Variants in HEATR1 observed in about 807,000 individuals in gnomAD.
HEATR1 encodes HEAT repeat containing 1, also known as HEAT repeat-containing protein 1.
A neutral mutation model predicts 248.2 loss-of-function variants in HEATR1; 77 were observed. The observed-to-expected ratio is 0.31, with a 90% CI of 0.26 to 0.37. HEATR1 has a LOEUF of 0.37. Ranked by LOEUF, HEATR1 falls within the 10% of genes least tolerant of loss-of-function variation. The pLI is 1.00. For synonymous variants in HEATR1, 897 were observed against 923.1 expected, an observed-to-expected ratio of 0.97 and a Z score of 0.51; for missense variants, 2,420 against 2,504.9, an observed-to-expected ratio of 0.97 and a Z score of 0.72.
intron 17 of HEATR1, among the ~76,000 whole-genome samples, chr1:236,583,957 A>G: frequency 6.6e-6 from 1 of 152,196 alleles, no homozygotes; most frequent in South Asian, 2.1e-4. Flanking sequence ...GTGTTTAGAA[A>G]TTATACTGTA....
rs201920300 is a variant in HEATR1 at position 236,587,325 on chromosome 1, AAAG to A, written c.1715+74_1715+76del. On this transcript the variant is annotated intron_variant, in intron 14 of 44. Coordinates refer to ENST00000366582, the MANE Select transcript of HEATR1 (RefSeq NM_018072.6). ...CATGTAATCAAAGCCTTAAAAAAAA[AAAG>A]AAGAAGAAATAGAAAGAACTTGATA... 2.2e-3 allele frequency: 1,449 copies of A among 660,206 alleles called. 17 individuals carry two copies. The highest frequency in any genetic ancestry group is 0.021 in the African/African-American group (1,109 of 53,562). The allele number at this position is 660,206 out of a possible 1,614,324, so 40.9% of individuals were successfully genotyped here.
At chr1:236,555,763 G>A in intron 39 of HEATR1, 42 bp downstream of exon 39, 1 of 1,612,902 alleles carries the variant, frequency 6.2e-7, no homozygotes, top group Non-Finnish European at 8.5e-7. Context: ...TTCAATAGGT[G>A]GATAACAGCT....
At chr1:236,586,102 C>T in intron 15 of HEATR1, 139 bp downstream of exon 15, 3 of 1,235,800 alleles carry the variant, frequency 2.4e-6, no homozygotes, top group Non-Finnish European at 3.4e-6. Flanking sequence ...TTCCTTTTCA[C>T]TGTATACTTT....
chr1:236,555,501 T>C (rs746274370), intron 40 of HEATR1, 37 bp from the exon 41 acceptor site: 4 of 1,613,918 alleles, frequency 2.5e-6, no homozygotes, highest in African/African-American at 2.7e-5. Context: ...CTTCGACATC[T>C]TGTCACTTAA....
At chr1:236,558,134 T>C (rs111414516) in intron 36 of HEATR1, 103 bp downstream of exon 36, 2 of 1,247,692 alleles carry the variant, frequency 1.6e-6, no homozygotes, top group African/African-American at 3.0e-5. Context: ...TCCAATTTTA[T>C]GCAACGTCTA....
At chr1:236,567,673 C>T (rs148168811) in intron 29 of HEATR1, among the ~76,000 whole-genome samples, 1 of 152,180 alleles carries the variant, frequency 6.6e-6, no homozygotes, top group Non-Finnish European at 1.5e-5. Context: ...CATGCCATTG[C>T]ACTCTAGCCT....
In HEATR1 at chr1:236,603,143, G is replaced by A. The variant is rs767084894; in HGVS notation, c.359+17C>T. On this transcript the variant is annotated intron_variant, in intron 3 of 44. Transcript: ENST00000366582. ...AAGTGATTAACCCATAGTTATTTCT[G>A]TAATTCTATTAGCTACCTGTGAATC... 6.9e-6 allele frequency: 11 copies of A among 1,582,880 alleles called. No homozygotes were observed. Among genetic ancestry groups the A allele is most frequent in the African/African-American group, 1.3e-5 (1 of 74,296 alleles).
In HEATR1 at chr1:236,574,883, C is replaced by T. The variant is rs921944671; in HGVS notation, c.3105G>A (p.Leu1035=). Residue 1035 remains leucine, a synonymous_variant, in exon 23 of 45, where the codon TTG becomes TTA. Coordinates refer to ENST00000366582, the MANE Select transcript of HEATR1 (RefSeq NM_018072.6). ...VNGEMVLSQL[L]PMAEQLLEKI... is the part of the protein sequence containing the mutation. ...TTTCTAGCAGTTGTTCAGCCATAGG[C>T]AATAGCTGAGAAAGCACCATCTAAA... 1 of 1,613,160 alleles carries T rather than the reference C, an allele frequency of 6.2e-7. No individual in the cohort carries two copies. The highest frequency in any genetic ancestry group is 1.3e-5 in the African/African-American group (1 of 74,832).
intron 22 of HEATR1, among the ~76,000 whole-genome samples, chr1:236,575,540 T>G (rs1663543127): frequency 6.6e-6 from 1 of 152,186 alleles, no homozygotes; most frequent in African/African-American, 2.4e-5. Flanking sequence ...ATTATTAATT[T>G]AAACTATACC....
At chr1:236,592,723 C>T (rs1433764861) in intron 9 of HEATR1, 90 bp from the exon 10 acceptor site, 3 of 578,616 alleles carry the variant, frequency 5.2e-6, no homozygotes, top group Admixed American at 3.2e-5. Flanking sequence ...GAAATATTAT[C>T]TCTAATTGTC....
chr1:236,594,222 T>A (rs772999176), intron 8 of HEATR1, 108 bp from the exon 9 acceptor site: 8 of 627,006 alleles, frequency 1.3e-5, no homozygotes, highest in Non-Finnish European at 2.2e-5. Context: ...ACACACACAC[T>A]GATATCCAGC....
chr1:236,557,482 T>C (rs895412846), intron 36 of HEATR1, 137 bp from the exon 37 acceptor site: 2 of 817,564 alleles, frequency 2.4e-6, no homozygotes, highest in Admixed American at 5.7e-5. Flanking sequence ...AAAAGCAGTG[T>C]CTATACATTT....
chr1:236,553,457 A>G (rs1487405055), intron 43 of HEATR1, 124 bp downstream of exon 43: 1 of 1,007,832 alleles, frequency 9.9e-7, no homozygotes, highest in Admixed American at 2.7e-5. Context: ...CTAGTACTGG[A>G]TGACAAATAG....
chr1:236,576,863 C>T lies in HEATR1; in HGVS notation c.2842G>A (p.Val948Met). The part of the protein sequence containing the change: ...AIQCLQALSG[V>M]ASPFYLIIDH... ...ATTATCAGATAAAACGGGGATGCCA[C>T]TCCACTGAGGGCCTGGAGACACTGA... Residue 948 changes from valine to methionine, a missense_variant, in exon 21 of 45, where the codon GTG (valine) becomes ATG (methionine). By Grantham distance (21) the Val-to-Met change is conservative. Coordinates refer to ENST00000366582, the MANE Select transcript of HEATR1 (RefSeq NM_018072.6). 1 of 1,613,938 alleles carries T rather than the reference C, an allele frequency of 6.2e-7. No individual in the cohort carries two copies. Among genetic ancestry groups the T allele is most frequent in the Non-Finnish European group, 8.5e-7 (1 of 1,179,830 alleles).
At chr1:236,565,483 T>C (rs550173814) in intron 31 of HEATR1, among the ~76,000 whole-genome samples, 1 of 152,270 alleles carries the variant, frequency 6.6e-6, no homozygotes, top group South Asian at 2.1e-4. Flanking sequence ...CCAGCCTCAG[T>C]GGTGCTGCGG....
rs371729329 is a variant in HEATR1 at position 236,556,186 on chromosome 1, T to C, written c.5428A>G (p.Lys1810Glu). The change falls in exon 38 of 45, where the codon AAA becomes GAA. Residue 1810 changes from lysine (K) to glutamate (E), a missense_variant. Coordinates refer to ENST00000366582, the MANE Select transcript of HEATR1 (RefSeq NM_018072.6). ...SQANIRLTSL[K>E]KTLATTLAPR... ...GCAAGTGTGGTAGCCAGTGTCTTTT[T>C]AAGAGATGTGAGACGGATATTAGCC... The C allele has an allele frequency of 4.0e-5, 65 of 1,614,000 alleles. No individual in the cohort carries two copies. The highest frequency in any genetic ancestry group is 5.4e-5 in the Non-Finnish European group (64 of 1,180,024).
intron 24 of HEATR1, among the ~76,000 whole-genome samples, chr1:236,573,224 A>T (rs1355715374): frequency 6.6e-6 from 1 of 152,174 alleles, no homozygotes; most frequent in Admixed American, 6.5e-5. Context: ...TTTCACGCTC[A>T]TCCCTTAGAG....
intron 40 of HEATR1, 27 bp from the exon 41 acceptor site, chr1:236,555,491 C>A (rs1289419198): frequency 5.6e-6 from 9 of 1,613,978 alleles, no homozygotes; most frequent in African/African-American, 1.3e-5. Flanking sequence ...GTATTAGTTT[C>A]TTCGACATCT....
At chr1:236,599,944 G>C (rs1384125780) in intron 3 of HEATR1, among the ~76,000 whole-genome samples, 2 of 151,936 alleles carry the variant, frequency 1.3e-5, no homozygotes, top group South Asian at 2.1e-4. Flanking sequence ...TCAGGCTGGA[G>C]TGCAGTGGCA....
Sources: gnomAD v4.1 joint callset for allele counts (sites outside exome capture counted in the v4.1 genomes callset) on GRCh38, gnomAD v4.1.1 for gene constraint, MANE v1.5 for transcripts, NCBI Gene and HGNC (gene_info 2026-07-23, HGNC 2026-07-21) for gene names.